PDE10A: variants seen among roughly 807,000 people sequenced by gnomAD.
PDE10A encodes cAMP and cAMP-inhibited cGMP 3',5'-cyclic phosphodiesterase 10A.
Under a neutral mutation model 97.7 loss-of-function variants are expected in PDE10A, and 39 were observed. The ratio of observed to expected loss-of-function variants is 0.40; its 90% CI spans 0.31 to 0.52. The LOEUF (loss-of-function observed/expected upper bound fraction) is 0.52. Among genes scored for constraint, PDE10A ranks in the 20% least tolerant of loss-of-function variants. The pLI, the probability that PDE10A is intolerant of heterozygous loss-of-function variation, is 0.56. For missense variants in PDE10A, 731 were observed against 1,047.8 expected (o/e 0.70, Z 4.17); for synonymous variants, 371 against 376.8 (o/e 0.98, Z 0.18).
intron 1 of PDE10A, among the ~76,000 whole-genome samples, chr6:165,798,141 T>C (rs1158676558): frequency 1.3e-5 from 2 of 152,356 alleles, no homozygotes; most frequent in African/African-American, 2.4e-5. Flanking sequence ...TATTAGCTTT[T>C]AATGCTTAAG....
At chr6:165,919,640 A>G (rs951505868) in intron 1 of PDE10A, among the ~76,000 whole-genome samples, 1 of 152,206 alleles carries the variant, frequency 6.6e-6, no homozygotes, top group African/African-American at 2.4e-5. Flanking sequence ...CATATAAAAA[A>G]CATTCTGAGC....
At chr6:165,802,157 C>T (rs1395445680) in intron 1 of PDE10A, among the ~76,000 whole-genome samples, 1 of 152,208 alleles carries the variant, frequency 6.6e-6, no homozygotes, top group African/African-American at 2.4e-5. Context: ...TCCTCTCTCC[C>T]TGGCTTTGAT....
intron 1 of PDE10A, among the ~76,000 whole-genome samples, chr6:165,977,760 G>A (rs1253228911): frequency 1.3e-5 from 2 of 152,174 alleles, no homozygotes; most frequent in East Asian, 3.8e-4. Context: ...TCCAATAAAT[G>A]AGGGTCTATG....
At chr6:165,758,165 T>G (rs1382238169) in intron 1 of PDE10A, among the ~76,000 whole-genome samples, 2 of 152,192 alleles carry the variant, frequency 1.3e-5, no homozygotes, top group Non-Finnish European at 2.9e-5. Flanking sequence ...CTGACTTGAT[T>G]TTTCAATTAA....
intron 13 of PDE10A, among the ~76,000 whole-genome samples, chr6:165,408,607 A>AT (rs1467786516): frequency 6.6e-6 from 1 of 152,012 alleles, no homozygotes; most frequent in African/African-American, 2.4e-5. Flanking sequence ...ATTTTCTTTT[A>AT]TTTTTTTATT....
intron 19 of PDE10A, among the ~76,000 whole-genome samples, chr6:165,341,926 G>T (rs1339334916): frequency 6.6e-6 from 1 of 152,156 alleles, no homozygotes; most frequent in Non-Finnish European, 1.5e-5. Context: ...GTGGATACTT[G>T]TAACACTTGA....
intron 11 of PDE10A, 129 bp from the exon 12 acceptor site, chr6:165,416,410 G>T (rs940307118): frequency 9.0e-6 from 6 of 669,384 alleles, no homozygotes; most frequent in Non-Finnish European, 1.6e-5. Context: ...TTACTTTTAC[G>T]TTTACATATT....
At chr6:165,529,049 A>G (rs1782618034) in intron 2 of PDE10A, among the ~76,000 whole-genome samples, 1 of 152,164 alleles carries the variant, frequency 6.6e-6, no homozygotes, top group Non-Finnish European at 1.5e-5. Flanking sequence ...GAGACATTAC[A>G]TTCTGCTCTC....
At chr6:165,758,717 G>A (rs1793183563) in intron 1 of PDE10A, among the ~76,000 whole-genome samples, 1 of 151,662 alleles carries the variant, frequency 6.6e-6, no homozygotes, top group African/African-American at 2.4e-5. Flanking sequence ...AGGGGGAGGA[G>A]GATGAGGAGG....
intron 2 of PDE10A, among the ~76,000 whole-genome samples, chr6:165,485,654 G>A (rs1304472902): frequency 8.0e-5 from 12 of 149,216 alleles, no homozygotes; most frequent in Non-Finnish European, 1.3e-4. Context: ...GTGCAATGGC[G>A]TGATCTCAGC....
At chr6:165,633,841 G>C (rs1401266978) in intron 1 of PDE10A, among the ~76,000 whole-genome samples, 2 of 150,166 alleles carry the variant, frequency 1.3e-5, no homozygotes, top group African/African-American at 2.5e-5. Context: ...TCACCATGTT[G>C]GCCAGGCTGG....
intron 1 of PDE10A, among the ~76,000 whole-genome samples, chr6:165,874,374 G>GA (rs927972119): frequency 4.4e-5 from 6 of 136,224 alleles, no homozygotes; most frequent in Admixed American, 7.1e-5. Flanking sequence ...TTTCGCATTA[G>GA]AAAAAAAAAA....
chr6:165,679,492 G>A (rs974497680), intron 1 of PDE10A, among the ~76,000 whole-genome samples: 2 of 152,180 alleles, frequency 1.3e-5, no homozygotes, highest in African/African-American at 4.8e-5. Context: ...AGCCCTTGAG[G>A]AGGTGTGGCA....
intron 1 of PDE10A, among the ~76,000 whole-genome samples, chr6:165,943,328 A>G (rs1373796090): frequency 1.3e-5 from 1 of 79,410 alleles, no homozygotes; most frequent in African/African-American, 6.5e-5. Flanking sequence ...GGAAAGAAAG[A>G]AAAAGAAAGA....
In PDE10A at chr6:165,435,230, C is replaced by G; in HGVS notation, c.1335+7G>C. The G allele has an allele frequency of 6.2e-7, 1 of 1,605,374 alleles. No individual in the cohort carries two copies. Among genetic ancestry groups the G allele is most frequent in the East Asian group, 2.2e-5 (1 of 44,724 alleles). On this transcript the variant is annotated splice_region_variant and intron_variant, in intron 6 of 21. Transcript: ENST00000539869. ...AAAGTGTCACAAAGAATCAAAAAGC[C>G]ACTTACTCCAAGGATGTCTTCTACT...
intron 2 of PDE10A, among the ~76,000 whole-genome samples, chr6:165,537,549 T>A (rs960375228): frequency 6.6e-6 from 1 of 151,258 alleles, no homozygotes; most frequent in Admixed American, 6.6e-5. Flanking sequence ...TAAGTATTCA[T>A]AATAATATAT....
intron 2 of PDE10A, among the ~76,000 whole-genome samples, chr6:165,499,193 G>C (rs556508040): frequency 1.3e-5 from 2 of 152,268 alleles, no homozygotes; most frequent in South Asian, 2.1e-4. Flanking sequence ...AACAGTAGCC[G>C]GGGAAGAGTC....
chr6:165,914,452 A>G (rs1269551008), intron 1 of PDE10A, among the ~76,000 whole-genome samples: 1 of 152,214 alleles, frequency 6.6e-6, no homozygotes, highest in African/African-American at 2.4e-5. Context: ...GATATCCACC[A>G]AGTTGCCCCT....
Position 165,638,412 on chromosome 6 carries a change from G to A in PDE10A, c.865+23535C>T, listed in dbSNP as rs538734738. Among the ~76,000 whole-genome samples, 103 of 152,156 alleles carry A rather than the reference G, an allele frequency of 6.8e-4. 4 individuals carry two copies. In the South Asian group the frequency reaches 0.021, roughly 32 times the overall value. The stretch of plus-strand genomic sequence containing the variant: ...ACAGAGAGAGAGGGTGGAAGGAGTC[G>A]TTTTATATCAAAGCAAATATAGCTT... On this transcript the variant is annotated intron_variant, in intron 1 of 21. Coordinates refer to ENST00000539869, the MANE Select transcript of PDE10A (RefSeq NM_001385079.1).
Sources: gnomAD v4.1 joint callset for allele counts (sites outside exome capture counted in the v4.1 genomes callset) on GRCh38, gnomAD v4.1.1 for gene constraint, MANE v1.5 for transcripts, NCBI Gene and HGNC (gene_info 2026-07-23, HGNC 2026-07-21) for gene names.